IGF2R: variants seen among roughly 807,000 people sequenced by gnomAD.
The protein encoded by IGF2R is cation-independent mannose-6-phosphate receptor.
IGF2R carries 91 observed loss-of-function variants against 270.6 expected under a neutral mutation model. That is an observed-to-expected ratio of 0.34 (90% confidence interval 0.28 to 0.40). IGF2R has a LOEUF of 0.40. IGF2R is among the 10% of genes least tolerant of loss of function. The pLI is 1.00. For missense variants in IGF2R, 2,805 were observed against 3,188.3 expected (o/e 0.88, Z 2.90); for synonymous variants, 1,316 against 1,258.9 (o/e 1.05, Z -0.96).
intron 35 of IGF2R, chr6:160,074,193 G>A: frequency 1.8e-6 from 1 of 563,968 alleles, no homozygotes. Context: ...TTGAGCATGG[G>A]AGGTAACACG....
intron 4 of IGF2R, among the ~76,000 whole-genome samples, chr6:160,017,418 A>G (rs943066096): frequency 1.3e-5 from 2 of 152,228 alleles, no homozygotes; most frequent in African/African-American, 4.8e-5. Context: ...GAGAAGAACA[A>G]ACAAAATCTG....
intron 7 of IGF2R, among the ~76,000 whole-genome samples, chr6:160,031,423 A>G (rs1028434808): frequency 1.3e-5 from 2 of 151,898 alleles, no homozygotes; most frequent in African/African-American, 4.8e-5. Flanking sequence ...ATCACAATCT[A>G]ATTTTGCATT....
intron 41 of IGF2R, among the ~76,000 whole-genome samples, chr6:160,087,723 G>A (rs1431910530): frequency 6.6e-6 from 1 of 152,184 alleles, no homozygotes; most frequent in Non-Finnish European, 1.5e-5. Flanking sequence ...AGGCTGGAGT[G>A]CAATGGCGCC....
chr6:160,096,071 C>T (rs772864012), intron 44 of IGF2R: 2 of 166,444 alleles, frequency 1.2e-5, no homozygotes, highest in South Asian at 3.7e-4. Flanking sequence ...ACTTCAGAGG[C>T]TCCTTGATTT....
rs146261790 is a variant in IGF2R at position 160,083,377 on chromosome 6, G to A, written c.5834-573G>A. ...CTCAGAGTTGAACAAATGTACAATC[G>A]GGTTTTATACCGAGACATTCAGTTC... On this transcript the variant is annotated intron_variant, in intron 39 of 47. Transcript: ENST00000356956. Among the ~76,000 whole-genome samples, 82 of 152,284 alleles carry A rather than the reference G, an allele frequency of 5.4e-4. No individual in the cohort carries two copies. In the East Asian group the frequency reaches 0.016, roughly 29 times the overall value.
At chr6:160,020,290 A>G (rs1313392291) in intron 4 of IGF2R, among the ~76,000 whole-genome samples, 1 of 152,168 alleles carries the variant, frequency 6.6e-6, no homozygotes, top group Admixed American at 6.5e-5. Flanking sequence ...AACACTGATG[A>G]AAGAAATTGT....
chr6:159,994,613 G>A (rs1310379533), intron 2 of IGF2R, among the ~76,000 whole-genome samples: 1 of 151,874 alleles, frequency 6.6e-6, no homozygotes, highest in East Asian at 1.9e-4. Context: ...CTGCTTTGCT[G>A]TATCCCAGAG....
intron 23 of IGF2R, 68 bp downstream of exon 23, chr6:160,060,785 GGTGTGTTTCT>G (rs1778422358): frequency 6.7e-7 from 1 of 1,491,510 alleles, no homozygotes; most frequent in Non-Finnish European, 9.3e-7. Context: ...TGGATATGAA[GGTGTGTTTCT>G]GTGTGTATGT....
At chr6:160,101,978 C>T (rs1049901503) in intron 45 of IGF2R, among the ~76,000 whole-genome samples, 1 of 152,182 alleles carries the variant, frequency 6.6e-6, no homozygotes, top group Admixed American at 6.5e-5. Context: ...GGGGGCTGTG[C>T]TGGGCTCTGC....
chr6:159,969,479 C>G lies in IGF2R; in HGVS notation c.149+84C>G. On this transcript the variant is annotated intron_variant, in intron 1 of 47. Coordinates refer to ENST00000356956, the MANE Select transcript of IGF2R (RefSeq NM_000876.4). ...TGGGGGGCGGGGAGCGCTCGAGGAG[C>G]TCCTGGGGTCTCCAAGTCGCCTCCG... 3.0e-6 allele frequency: 3 copies of G among 1,001,450 alleles called. No homozygotes were observed. The South Asian group carries it at 1.4e-4, about 48-fold the overall frequency. The allele number at this position is 1,001,450 out of a possible 1,614,324, so 62.0% of individuals were successfully genotyped here.
At position 160,048,667 on chromosome 6, in the gene IGF2R, T is replaced by C. The variant is rs1778125506; in HGVS notation, c.2514+124T>C. ...AGCTGCTCGAGAGAAACCCTCTGAGTAGGAGTGGGGCCTCCATGTGAACTC... is the reference window on the plus strand; with the variant it reads ...AGCTGCTCGAGAGAAACCCTCTGAGCAGGAGTGGGGCCTCCATGTGAACTC... On this transcript the variant is annotated intron_variant, in intron 18 of 47. Coordinates refer to ENST00000356956, the MANE Select transcript of IGF2R (RefSeq NM_000876.4). 16 of 915,930 alleles carry C rather than the reference T, an allele frequency of 1.7e-5. No homozygotes were observed. In the South Asian group the frequency reaches 2.2e-4, roughly 13 times the overall value. The allele number at this position is 915,930 out of a possible 1,614,324, so 56.7% of individuals were successfully genotyped here.
At position 160,051,941 on chromosome 6, in the gene IGF2R, G is replaced by A. The variant is rs554176603; in HGVS notation, c.2694+1289G>A. Among the ~76,000 whole-genome samples, 7 of 151,654 alleles carry A rather than the reference G, an allele frequency of 4.6e-5. No homozygotes were observed. The East Asian group carries it at 7.8e-4, about 17-fold the overall frequency. On this transcript the variant is annotated intron_variant, in intron 19 of 47. Transcript: ENST00000356956. ...TGCACTGCAGCCTGGGAGACAAAGCGAGCCCCTGTCTCAAAAAAAAAAAAT... is the reference window on the plus strand; with the variant it reads ...TGCACTGCAGCCTGGGAGACAAAGCAAGCCCCTGTCTCAAAAAAAAAAAAT...
At chr6:160,063,154 C>T (rs1778478586) in intron 26 of IGF2R, among the ~76,000 whole-genome samples, 1 of 151,372 alleles carries the variant, frequency 6.6e-6, no homozygotes, top group African/African-American at 2.4e-5. Context: ...TCTCCTGCCT[C>T]AGCCTCCTGA....
intron 1 of IGF2R, among the ~76,000 whole-genome samples, chr6:159,973,180 C>T (rs1783638165): frequency 6.6e-6 from 1 of 152,082 alleles, no homozygotes; most frequent in South Asian, 2.1e-4. Flanking sequence ...GAGGCCAGGC[C>T]ATGCAAAACC....
At chr6:159,994,107 T>G (rs1422196199) in intron 2 of IGF2R, among the ~76,000 whole-genome samples, 2 of 151,304 alleles carry the variant, frequency 1.3e-5, no homozygotes, top group African/African-American at 4.9e-5. Flanking sequence ...CTTGGGAGAT[T>G]TTTAAAGTAC....
At chr6:160,067,684 A>T (rs1778614610) in intron 29 of IGF2R, among the ~76,000 whole-genome samples, 1 of 152,144 alleles carries the variant, frequency 6.6e-6, no homozygotes, top group South Asian at 2.1e-4. Context: ...CTCACTGTTA[A>T]TATTGCTCCT....
At chr6:160,010,431 A>G (rs1583257633) in intron 3 of IGF2R, 2 of 351,958 alleles carry the variant, frequency 5.7e-6, no homozygotes, top group Admixed American at 4.2e-5. Context: ...CACTCAATGT[A>G]CTTGCACAGC....
chr6:160,000,328 A>G (rs1012006077), intron 2 of IGF2R, among the ~76,000 whole-genome samples: 1 of 152,186 alleles, frequency 6.6e-6, no homozygotes, highest in South Asian at 2.1e-4. Context: ...GCTTCTTCAC[A>G]TGGTGACAGG....
chr6:160,101,433 A>G (rs137949617), intron 45 of IGF2R, among the ~76,000 whole-genome samples: 1 of 152,118 alleles, frequency 6.6e-6, no homozygotes, highest in Non-Finnish European at 1.5e-5. Context: ...TTGCAGGCCC[A>G]CCTAGAACTG....
Sources: allele counts gnomAD v4.1 joint callset (sites outside exome capture counted in the v4.1 genomes callset), GRCh38; gene constraint gnomAD v4.1.1; transcripts MANE v1.5; gene names NCBI Gene and HGNC (gene_info 2026-07-23, HGNC 2026-07-21).